NRXN3: variants seen among roughly 807,000 people sequenced by gnomAD.
The protein encoded by NRXN3 is neurexin III.
In NRXN3, 32 loss-of-function variants were observed where a neutral mutation model predicts 137.6. The observed-to-expected ratio is 0.23, with a 90% CI of 0.18 to 0.31. The LOEUF is 0.31. Among genes scored for constraint, NRXN3 ranks in the 10% least tolerant of loss-of-function variants. The probability of loss-of-function intolerance (pLI) is 1.00; values close to 1 mark genes in which losing one functional copy is unlikely to be tolerated. For synonymous variants in NRXN3, 798 were observed against 784.5 expected (o/e 1.02, Z -0.29); for missense variants, 1,574 against 2,062.5 (o/e 0.76, Z 4.59).
intron 4 of NRXN3, among the ~76,000 whole-genome samples, chr14:78,522,907 G>A (rs898295366): frequency 1.3e-5 from 2 of 151,998 alleles, no homozygotes; most frequent in Non-Finnish European, 2.9e-5. Context: ...AATATCTAAC[G>A]GTATTCTTTA....
intron 1 of NRXN3, among the ~76,000 whole-genome samples, chr14:78,202,256 T>C (rs2061748825): frequency 6.6e-6 from 1 of 152,226 alleles, no homozygotes; most frequent in Admixed American, 6.5e-5. Flanking sequence ...GGAACACCTG[T>C]TCTTGTCTGC....
chr14:79,732,227 T>C (rs2098926567), intron 19 of NRXN3, among the ~76,000 whole-genome samples: 1 of 152,170 alleles, frequency 6.6e-6, no homozygotes, highest in Non-Finnish European at 1.5e-5. Flanking sequence ...CTACATACCA[T>C]GTTCTCAGGA....
At chr14:79,097,095 C>A (rs1441239672) in intron 15 of NRXN3, among the ~76,000 whole-genome samples, 1 of 151,152 alleles carries the variant, frequency 6.6e-6, no homozygotes, top group Non-Finnish European at 1.5e-5. Flanking sequence ...CAAAGGCTTC[C>A]AGGTTTTTAG....
chr14:78,812,516 G>A (rs1236279935), intron 10 of NRXN3, among the ~76,000 whole-genome samples: 1 of 152,098 alleles, frequency 6.6e-6, no homozygotes, highest in Non-Finnish European at 1.5e-5. Context: ...TGCTTTTGCT[G>A]TTCTATCCAC....
At chr14:79,041,935 TAGA>T (rs1329080209) in intron 15 of NRXN3, among the ~76,000 whole-genome samples, 3 of 152,054 alleles carry the variant, frequency 2.0e-5, no homozygotes, top group Non-Finnish European at 4.4e-5. Flanking sequence ...GAGGGAATGT[TAGA>T]AGAATAGTGA....
intron 19 of NRXN3, among the ~76,000 whole-genome samples, chr14:79,784,166 A>G (rs768326125): frequency 6.6e-6 from 1 of 152,194 alleles, no homozygotes; most frequent in Non-Finnish European, 1.5e-5. Context: ...GCTCTAATAA[A>G]AACAAAAAAA....
chr14:79,568,457 C>T (rs1264398737), intron 16 of NRXN3, among the ~76,000 whole-genome samples: 6 of 152,124 alleles, frequency 3.9e-5, no homozygotes, highest in Admixed American at 1.3e-4. Context: ...CTACATATTC[C>T]AAATGTGTAG....
At chr14:79,141,963 A>G (rs1268456185) in intron 15 of NRXN3, among the ~76,000 whole-genome samples, 2 of 152,196 alleles carry the variant, frequency 1.3e-5, no homozygotes, top group East Asian at 3.8e-4. Flanking sequence ...GCTTCTATTG[A>G]GAATCTCAGC....
chr14:79,098,303 T>G (rs1448510679), intron 15 of NRXN3, among the ~76,000 whole-genome samples: 1 of 152,196 alleles, frequency 6.6e-6, no homozygotes, highest in Non-Finnish European at 1.5e-5. Context: ...CCCAGTTCCT[T>G]AAAAATATAT....
At chr14:78,921,172 A>C (rs1366084840) in intron 10 of NRXN3, among the ~76,000 whole-genome samples, 1 of 152,160 alleles carries the variant, frequency 6.6e-6, no homozygotes, top group African/African-American at 2.4e-5. Flanking sequence ...ATAGAAGACT[A>C]TTCCTTCAGA....
At chr14:78,993,923 C>T (rs2099524404) in intron 15 of NRXN3, among the ~76,000 whole-genome samples, 1 of 130,100 alleles carries the variant, frequency 7.7e-6, no homozygotes, top group South Asian at 2.7e-4. Flanking sequence ...GATCTCAGTT[C>T]ACTGCAACCT....
At chr14:78,173,709 C>CTTTTTTTTTTCTTTTTTTTTT (rs2058984308) in intron 1 of NRXN3, among the ~76,000 whole-genome samples, 1 of 69,358 alleles carries the variant, frequency 1.4e-5, no homozygotes. Context: ...TTTTTCCTTG[C>CTTTTTTTTTTCTTTTTTTTTT]TTTTTTTTTT....
At chr14:79,627,139 T>C (rs555528117) in intron 16 of NRXN3, among the ~76,000 whole-genome samples, 43 of 152,334 alleles carry the variant, frequency 2.8e-4, no homozygotes, top group African/African-American at 8.9e-4. Flanking sequence ...TATAGCTTTT[T>C]CTTGAGATGA....
In NRXN3 at chr14:79,465,438, A is replaced by G. The variant is rs147552503; in HGVS notation, c.3263-1783A>G. Reference sequence around the variant, plus strand: ...GGAAAATAATGTTATGCTACATGTAATATACAAATTGAGCAAATTGGAGCA... The same window carrying G: ...GGAAAATAATGTTATGCTACATGTAGTATACAAATTGAGCAAATTGGAGCA... On this transcript the variant is annotated intron_variant, in intron 15 of 20. Transcript: ENST00000335750. Among the ~76,000 whole-genome samples the G allele has an allele frequency of 3.4e-3, 515 of 152,328 alleles. 3 individuals carry two copies. The highest frequency in any genetic ancestry group is 4.5e-3 in the Non-Finnish European group (305 of 68,022).
At chr14:78,553,943 G>T (rs1040244444) in intron 4 of NRXN3, among the ~76,000 whole-genome samples, 1 of 152,160 alleles carries the variant, frequency 6.6e-6, no homozygotes, top group Non-Finnish European at 1.5e-5. Flanking sequence ...GGAAAGAAAA[G>T]GGAAAAGACA....
At chr14:79,069,049 A>G (rs1277102066) in intron 15 of NRXN3, among the ~76,000 whole-genome samples, 4 of 152,102 alleles carry the variant, frequency 2.6e-5, no homozygotes, top group African/African-American at 9.7e-5. Flanking sequence ...GTTCCCACTG[A>G]TAAGGGGAGG....
intron 4 of NRXN3, among the ~76,000 whole-genome samples, chr14:78,569,393 G>A (rs1448825899): frequency 6.6e-6 from 1 of 151,396 alleles, no homozygotes; most frequent in Non-Finnish European, 1.5e-5. Context: ...AGCCTTCTGA[G>A]TAGCTGGGAC....
rs189578710 is a variant in NRXN3 at position 79,689,519 on chromosome 14, A to C, written c.3617-2654A>C. Among the ~76,000 whole-genome samples the C allele has an allele frequency of 9.5e-4, 145 of 152,240 alleles. 3 individuals are homozygous for C. Among genetic ancestry groups the C allele is most frequent in the Admixed American group, 9.5e-3 (145 of 15,282 alleles). On this transcript the variant is annotated intron_variant, in intron 17 of 20. Coordinates refer to ENST00000335750, the MANE Select transcript of NRXN3 (RefSeq NM_001330195.2). ...TTTTCCAAATGACCTTCCATCTTTC[A>C]CAACTTTTAACAGCATGCAAGATTG...
At chr14:79,217,331 C>T (rs2068712868) in intron 15 of NRXN3, among the ~76,000 whole-genome samples, 1 of 152,018 alleles carries the variant, frequency 6.6e-6, no homozygotes. Flanking sequence ...AGTGGGGTGC[C>T]ACACTCTCAA....
Sources: allele counts gnomAD v4.1 joint callset (sites outside exome capture counted in the v4.1 genomes callset), GRCh38; gene constraint gnomAD v4.1.1; transcripts MANE v1.5; gene names NCBI Gene and HGNC (gene_info 2026-07-23, HGNC 2026-07-21).